GSE1: variants seen among roughly 807,000 people sequenced by gnomAD.
GSE1 encodes the protein Gse1 coiled-coil protein.
A neutral mutation model predicts 112.6 loss-of-function variants in GSE1; 32 were observed. The ratio of observed to expected loss-of-function variants is 0.28; its 90% CI spans 0.21 to 0.38. The LOEUF is 0.38. GSE1 is among the 10% of genes least tolerant of loss of function. The probability of loss-of-function intolerance (pLI) is 1.00; values close to 1 mark genes in which losing one functional copy is unlikely to be tolerated. For synonymous variants in GSE1, 1,115 were observed against 735.6 expected (o/e 1.52, Z -8.35); for missense variants, 2,348 against 1,699.2 (o/e 1.38, Z -6.71).
upstream of GSE1, among the ~76,000 whole-genome samples, chr16:85,609,496 G>A (rs1375437000): frequency 6.6e-6 from 1 of 152,204 alleles, no homozygotes; most frequent in Non-Finnish European, 1.5e-5. Flanking sequence ...GGTTTAGTGT[G>A]TTTGTTGAGT....
chr16:85,306,630 C>T (rs1035009906), intron 1 of GSE1, among the ~76,000 whole-genome samples: 2 of 152,256 alleles, frequency 1.3e-5, no homozygotes, highest in East Asian at 3.9e-4. Context: ...CTCACTGCAG[C>T]CTCATCCTCC....
intron 2 of GSE1, among the ~76,000 whole-genome samples, chr16:85,643,981 C>G (rs981775955): frequency 1.3e-5 from 2 of 152,080 alleles, no homozygotes; most frequent in Admixed American, 6.5e-5. Flanking sequence ...CTACTGGAAT[C>G]TAGATGGGAA....
upstream of GSE1, chr16:85,555,345 C>T: frequency 3.0e-6 from 3 of 985,074 alleles, no homozygotes; most frequent in Non-Finnish European, 2.4e-6. Flanking sequence ...CTTCCACCCC[C>T]TCTCTCTGAG....
intron 2 of GSE1, among the ~76,000 whole-genome samples, chr16:85,470,499 T>A (rs1016944250): frequency 6.6e-6 from 1 of 152,180 alleles, no homozygotes; most frequent in Non-Finnish European, 1.5e-5. Flanking sequence ...CCTGGGATGC[T>A]CTATGTGTGG....
chr16:85,506,818 C>T (rs560948733), intron 2 of GSE1, among the ~76,000 whole-genome samples: 29 of 152,132 alleles, frequency 1.9e-4, no homozygotes, highest in Non-Finnish European at 3.4e-4. Context: ...TCATAGCAGA[C>T]GAAGCCTTTG....
At chr16:85,637,093 T>C (rs956953438) in intron 2 of GSE1, among the ~76,000 whole-genome samples, 3 of 152,238 alleles carry the variant, frequency 2.0e-5, no homozygotes, top group African/African-American at 7.2e-5. Flanking sequence ...TTGGTGATTT[T>C]CCTACACAGT....
Position 85,666,179 on chromosome 16 carries a change from A to G in GSE1, c.2962A>G (p.Met988Val). ...CCCTGGAGGCAAAAAGAGTCTGAGC[A>G]TGCTTCACTATATCCGGGGCGCTGC... ...EAPGGKKSLS[M>V]LHYIRGAAPK... Residue 988 changes from methionine (M) to valine (V), a missense_variant, in exon 13 of 16, where the codon ATG becomes GTG. By Grantham distance (21) the Met-to-Val change is conservative (BLOSUM62 1). Coordinates refer to ENST00000253458, the MANE Select transcript of GSE1 (RefSeq NM_014615.5). The G allele has an allele frequency of 6.2e-7, 1 of 1,613,544 alleles. No homozygotes were observed. The highest frequency in any genetic ancestry group is 8.5e-7 in the Non-Finnish European group (1 of 1,180,038).
chr16:85,409,304 AG>A (rs67999616), intron 2 of GSE1, among the ~76,000 whole-genome samples: 58 of 34,212 alleles, frequency 1.7e-3, no homozygotes, highest in South Asian at 4.4e-3. Flanking sequence ...TGTTACACTC[AG>A]GGCCCCCCGG....
intron 2 of GSE1, among the ~76,000 whole-genome samples, chr16:85,495,049 A>G (rs879332077): frequency 6.6e-6 from 1 of 152,190 alleles, no homozygotes; most frequent in Non-Finnish European, 1.5e-5. Flanking sequence ...TCAGGCTGGT[A>G]GCCTTCCTAT....
At chr16:85,290,992 A>G (rs2045193371) in intron 1 of GSE1, among the ~76,000 whole-genome samples, 1 of 152,316 alleles carries the variant, frequency 6.6e-6, no homozygotes, top group South Asian at 2.1e-4. Context: ...GCAGACAGAC[A>G]TGGGAGGGGG....
At chr16:85,613,503 C>T (rs762122898) in intron 1 of GSE1, 105 bp downstream of exon 1, 2 of 1,052,346 alleles carry the variant, frequency 1.9e-6, no homozygotes, top group Non-Finnish European at 2.7e-6. Context: ...CCAACGGCTC[C>T]CGGGCAACTT....
At chr16:85,470,410 C>A (rs2050254106) in intron 2 of GSE1, among the ~76,000 whole-genome samples, 1 of 147,862 alleles carries the variant, frequency 6.8e-6, no homozygotes, top group Non-Finnish European at 1.5e-5. Flanking sequence ...GCCCGAGGCC[C>A]CGGACGCAGA....
chr16:85,486,106 TGCC>T (rs2151883374), intron 2 of GSE1, among the ~76,000 whole-genome samples: 1 of 152,310 alleles, frequency 6.6e-6, no homozygotes, highest in East Asian at 1.9e-4. Flanking sequence ...GGGCACCCCA[TGCC>T]CAGTCCCTCC....
At chr16:85,646,639 A>G (rs767963951) in intron 2 of GSE1, among the ~76,000 whole-genome samples, 6 of 152,092 alleles carry the variant, frequency 3.9e-5, no homozygotes, top group Non-Finnish European at 8.8e-5. Context: ...GGGGAGGGTG[A>G]GCCGGACACT....
intron 1 of GSE1, among the ~76,000 whole-genome samples, chr16:85,308,702 C>T (rs150391938): frequency 1.3e-3 from 203 of 152,052 alleles, no homozygotes; most frequent in African/African-American, 4.8e-3. Flanking sequence ...GGAAGGCTCT[C>T]GCTCTGTCAG....
At chr16:85,335,260 G>A (rs554346378) in intron 1 of GSE1, among the ~76,000 whole-genome samples, 1 of 152,256 alleles carries the variant, frequency 6.6e-6, no homozygotes, top group African/African-American at 2.4e-5. Flanking sequence ...GCCCTGAGTA[G>A]TTTTCGCTGA....
chr16:85,499,366 A>C (rs924806921), intron 2 of GSE1, among the ~76,000 whole-genome samples: 4 of 126,038 alleles, frequency 3.2e-5, no homozygotes, highest in African/African-American at 9.1e-5. Flanking sequence ...GCCGGAGTGC[A>C]GTGGCGTGAT....
intron 1 of GSE1, among the ~76,000 whole-genome samples, chr16:85,266,380 G>A (rs1435268391): frequency 6.6e-6 from 1 of 152,218 alleles, no homozygotes; most frequent in East Asian, 1.9e-4. Context: ...CCAATGGCAA[G>A]CATTCCAGAA....
chr16:85,274,449 T>A (rs140697046), intron 1 of GSE1, among the ~76,000 whole-genome samples: 81 of 150,764 alleles, frequency 5.4e-4, no homozygotes, highest in African/African-American at 1.9e-3. Flanking sequence ...GATGTATTTA[T>A]CGAGCACTCG....
Sources: gnomAD v4.1 joint callset for allele counts (sites outside exome capture counted in the v4.1 genomes callset) on GRCh38, gnomAD v4.1.1 for gene constraint, MANE v1.5 for transcripts, NCBI Gene and HGNC (gene_info 2026-07-23, HGNC 2026-07-21) for gene names.